Variants in JMY observed in about 807,000 individuals in gnomAD.
JMY encodes the protein junction mediating and regulatory protein, p53 cofactor.
In JMY, 46 loss-of-function variants were observed where a neutral mutation model predicts 103.3. The ratio of observed to expected loss-of-function variants is 0.45; its 90% CI spans 0.35 to 0.57. The LOEUF (loss-of-function observed/expected upper bound fraction) is 0.57. Among genes scored for constraint, JMY ranks in the 20% least tolerant of loss-of-function variants. The pLI is 0.00. For synonymous variants in JMY, 526 were observed against 489.3 expected, an observed-to-expected ratio of 1.07 and a Z score of -0.99; for missense variants, 1,238 against 1,255.2, an observed-to-expected ratio of 0.99 and a Z score of 0.21.
At chr5:79,270,503 T>TA (rs1561297771) in intron 1 of JMY, among the ~76,000 whole-genome samples, 1 of 91,916 alleles carries the variant, frequency 1.1e-5, no homozygotes, top group Non-Finnish European at 2.3e-5. Context: ...AAAATATATA[T>TA]TTACATAAAT....
chr5:79,250,550 C>A (rs1308683445), intron 1 of JMY, among the ~76,000 whole-genome samples: 1 of 151,994 alleles, frequency 6.6e-6, no homozygotes, highest in Non-Finnish European at 1.5e-5. Context: ...TAAGCATTAA[C>A]CTCTGGAAGC....
At chr5:79,295,350 G>T (rs530724968) in intron 4 of JMY, among the ~76,000 whole-genome samples, 1 of 152,310 alleles carries the variant, frequency 6.6e-6, no homozygotes, top group African/African-American at 2.4e-5. Flanking sequence ...ATAGATCTCA[G>T]TTCTGCAAAC....
In JMY at chr5:79,325,906, A is replaced by G. The variant is rs1441723948; in HGVS notation, c.*4304A>G. On this transcript the variant is annotated 3_prime_UTR_variant, in exon 11 of 11. Transcript: ENST00000396137. ...AGTGTGCGTTTGTGTGTGTGAATGT[A>G]TGAAAAGTTTCCCCATTGGGTTATT... 6.6e-6 allele frequency: 1 copy of G among 152,160 alleles called. No homozygotes were observed. Among genetic ancestry groups the G allele is most frequent in the Non-Finnish European group, 1.5e-5 (1 of 68,016 alleles). The allele number at this position is 152,160 out of a possible 1,614,324, so 9.4% of individuals were successfully genotyped here.
At chr5:79,251,711 A>G (rs960589297) in intron 1 of JMY, among the ~76,000 whole-genome samples, 6 of 146,814 alleles carry the variant, frequency 4.1e-5, no homozygotes, top group Non-Finnish European at 9.0e-5. Flanking sequence ...CCATCATTCT[A>G]CTCTCTATTT....
chr5:79,250,710 C>T (rs1206712368), intron 1 of JMY, among the ~76,000 whole-genome samples: 2 of 140,878 alleles, frequency 1.4e-5, no homozygotes, highest in Non-Finnish European at 3.0e-5. Context: ...TTAACAGCCT[C>T]TCACACTTCA....
At chr5:79,304,365 A>G (rs1012659598) in intron 6 of JMY, among the ~76,000 whole-genome samples, 8 of 152,328 alleles carry the variant, frequency 5.3e-5, no homozygotes, top group East Asian at 1.9e-4. Context: ...TTACATATCA[A>G]CATGCCCAAG....
chr5:79,317,027 G>C (rs1330687923), intron 10 of JMY, among the ~76,000 whole-genome samples: 1 of 150,686 alleles, frequency 6.6e-6, no homozygotes, highest in African/African-American at 2.4e-5. Flanking sequence ...GGGCAATATA[G>C]CAATACCCCG....
intron 10 of JMY, among the ~76,000 whole-genome samples, chr5:79,318,026 G>C (rs1304648215): frequency 1.3e-5 from 2 of 152,136 alleles, no homozygotes; most frequent in African/African-American, 4.8e-5. Flanking sequence ...TTTTTTGACA[G>C]GGTTTCACTC....
intron 1 of JMY, among the ~76,000 whole-genome samples, chr5:79,241,304 T>G (rs934286853): frequency 2.6e-5 from 4 of 152,204 alleles, no homozygotes; most frequent in African/African-American, 4.8e-5. Flanking sequence ...GCACTCTTAA[T>G]TAGTGGATAA....
chr5:79,321,167 G>A (rs1747436294), intron 10 of JMY, among the ~76,000 whole-genome samples: 1 of 152,114 alleles, frequency 6.6e-6, no homozygotes, highest in Non-Finnish European at 1.5e-5. Context: ...TGTGCTTTGG[G>A]TACGCCCCAT....
At chr5:79,245,720 G>A (rs904052136) in intron 1 of JMY, among the ~76,000 whole-genome samples, 4 of 152,106 alleles carry the variant, frequency 2.6e-5, no homozygotes, top group Admixed American at 2.6e-4. Context: ...CCGCCTCCCA[G>A]GTTCAAATGA....
chr5:79,315,041 C>T (rs1489091482), intron 9 of JMY, among the ~76,000 whole-genome samples, 190 bp downstream of exon 9: 1 of 152,112 alleles, frequency 6.6e-6, no homozygotes, highest in Non-Finnish European at 1.5e-5. Flanking sequence ...CCTTCTTGGG[C>T]TGTTAGGCAT....
chr5:79,304,955 T>A (rs1377699757), intron 6 of JMY, among the ~76,000 whole-genome samples: 1 of 152,146 alleles, frequency 6.6e-6, no homozygotes, highest in Admixed American at 6.5e-5. Flanking sequence ...TCCTAGACAC[T>A]CAGAGACCTG....
In JMY at chr5:79,300,692, G is replaced by A. The variant is rs1561310454; in HGVS notation, c.1710G>A (p.Val570=). The change falls in exon 6 of 11, where the codon GTG becomes GTA. Residue 570 remains valine (V), a synonymous_variant. Coordinates refer to ENST00000396137, the MANE Select transcript of JMY (RefSeq NM_152405.5). ...CTGTAACAGAAAAAAGAGATGAAGTGGTATACTATGACACTTACGAAAGCA... is the reference window on the plus strand; with the variant it reads ...CTGTAACAGAAAAAAGAGATGAAGTAGTATACTATGACACTTACGAAAGCA... ...KRLISEKRDE[V]VYYDTYESME... 6.2e-7 allele frequency: 1 copy of A among 1,600,094 alleles called. No homozygotes were observed. Among genetic ancestry groups the A allele is most frequent in the Non-Finnish European group, 8.5e-7 (1 of 1,176,378 alleles).
intron 1 of JMY, among the ~76,000 whole-genome samples, chr5:79,276,852 C>A (rs1169293237): frequency 6.6e-6 from 1 of 151,468 alleles, no homozygotes; most frequent in Non-Finnish European, 1.5e-5. Context: ...TGATCCACCC[C>A]CCACGGCCTC....
chr5:79,267,365 G>C (rs1164682887), intron 1 of JMY, among the ~76,000 whole-genome samples: 1 of 152,010 alleles, frequency 6.6e-6, no homozygotes, highest in Non-Finnish European at 1.5e-5. Flanking sequence ...CCCATCTGTT[G>C]ATTGGAGTGC....
intron 1 of JMY, among the ~76,000 whole-genome samples, chr5:79,267,289 C>T (rs1018116639): frequency 9.9e-5 from 15 of 152,100 alleles, no homozygotes; most frequent in African/African-American, 3.6e-4. Context: ...TGCATAATGT[C>T]CTGCTGTCCT....
At chr5:79,284,051 T>TCTTC in intron 2 of JMY, 1 of 980,010 alleles carries the variant, frequency 1.0e-6, no homozygotes, top group Non-Finnish European at 1.4e-6. Context: ...CAAATTACTT[T>TCTTC]CTTTTTTTTA....
chr5:79,318,739 G>T lies in JMY; in HGVS notation c.*3+2429G>T, dbSNP rs1258755933. Among the ~76,000 whole-genome samples, 3 of 117,118 alleles carry T rather than the reference G, an allele frequency of 2.6e-5. No homozygotes were observed. In the East Asian group the frequency reaches 7.8e-4, roughly 31 times the overall value. 76.8% of individuals were successfully genotyped at this position (117,118 alleles called of 152,430 possible). On this transcript the variant is annotated intron_variant, in intron 10 of 10. Coordinates refer to ENST00000396137, the MANE Select transcript of JMY (RefSeq NM_152405.5). The stretch of plus-strand genomic sequence containing the variant: ...ACATATGTCCACTATGCTTTGTAAA[G>T]GAATATATATATATATATATATAGA...
Sources: allele counts gnomAD v4.1 joint callset (sites outside exome capture counted in the v4.1 genomes callset), GRCh38; gene constraint gnomAD v4.1.1; transcripts MANE v1.5; gene names NCBI Gene and HGNC (gene_info 2026-07-23, HGNC 2026-07-21).